Variants in OR7E24 observed in about 807,000 individuals in gnomAD.
OR7E24 encodes the protein olfactory receptor 7E24.
For missense variants in OR7E24, 385 were observed against 410.3 expected (o/e 0.94, Z 0.53); for synonymous variants, 130 against 157.5 (o/e 0.83, Z 1.31).
At chr19:9,236,670 C>T in the OR7E24 span, among the ~76,000 whole-genome samples, 5 of 151,924 alleles carry the variant, frequency 3.3e-5, no homozygotes, top group African/African-American at 9.7e-5. Context: ...TTCTTCTCTG[C>T]ACATAGTCCT....
upstream of OR7E24, chr19:9,250,825 A>T (rs941457704): frequency 7.4e-6 from 3 of 404,874 alleles, no homozygotes; most frequent in African/African-American, 2.0e-5. Context: ...AAAATCTCTA[A>T]TGTTTTTGCT....
At chr19:9,214,487 C>A in the OR7E24 span, 1 of 1,614,118 alleles carries the variant, frequency 6.2e-7, no homozygotes, top group Non-Finnish European at 8.5e-7. Flanking sequence ...CATAGGCCAT[C>A]ACGGCCAGTA....
the OR7E24 span, chr19:9,214,184 G>C: frequency 6.2e-6 from 10 of 1,614,140 alleles, no homozygotes; most frequent in South Asian, 9.9e-5. Context: ...CAATCTGAGA[G>C]TAGGAGAAGA....
At chr19:9,235,043 A>C in the OR7E24 span, 1 of 560,890 alleles carries the variant, frequency 1.8e-6, no homozygotes, top group African/African-American at 1.9e-5. Flanking sequence ...TGAGTGAATC[A>C]GGATCTTTGG....
the OR7E24 span, among the ~76,000 whole-genome samples, chr19:9,239,821 G>A: frequency 2.0e-5 from 3 of 146,622 alleles, no homozygotes; most frequent in East Asian, 4.1e-4. Flanking sequence ...CAATTCTCCT[G>A]TCTCAGCCTC....
chr19:9,214,144 T>C, the OR7E24 span: 329 of 1,611,134 alleles, frequency 2.0e-4, no homozygotes, highest in East Asian at 2.9e-4. Context: ...TACTTGCCCT[T>C]GGTGGAGGAC....
chr19:9,243,512 ACT>A (rs2066121667), upstream of OR7E24, among the ~76,000 whole-genome samples: 1 of 151,760 alleles, frequency 6.6e-6, no homozygotes, highest in Admixed American at 6.6e-5. Context: ...TCTCTATGTG[ACT>A]CAGGCTTGTC....
upstream of OR7E24, among the ~76,000 whole-genome samples, chr19:9,245,653 CACAA>C (rs1287036206): frequency 6.6e-6 from 1 of 152,130 alleles, no homozygotes; most frequent in Non-Finnish European, 1.5e-5. Flanking sequence ...TGAACATGGA[CACAA>C]ACAATGGTCA....
chr19:9,214,819 T>C, the OR7E24 span: 1 of 1,604,234 alleles, frequency 6.2e-7, no homozygotes, highest in South Asian at 1.1e-5. Context: ...GATAATTCTG[T>C]AAGGTTTTCT....
At chr19:9,213,866 A>G in the OR7E24 span, 1 of 1,485,328 alleles carries the variant, frequency 6.7e-7, no homozygotes, top group Non-Finnish European at 9.4e-7. Flanking sequence ...AGGGGTACGC[A>G]GTGTGTCCTC....
chr19:9,214,296 G>T, the OR7E24 span: 4 of 1,614,084 alleles, frequency 2.5e-6, no homozygotes, highest in Non-Finnish European at 2.5e-6. Flanking sequence ...GACCTGAGCC[G>T]GTTCACAGAA....
chr19:9,234,144 C>T, the OR7E24 span, among the ~76,000 whole-genome samples: 19 of 152,208 alleles, frequency 1.2e-4, no homozygotes, highest in East Asian at 3.9e-4. Flanking sequence ...CCTCGTGATC[C>T]GCTCACCTCG....
upstream of OR7E24, among the ~76,000 whole-genome samples, chr19:9,246,673 A>C (rs902467103): frequency 3.9e-5 from 6 of 152,290 alleles, no homozygotes; most frequent in Non-Finnish European, 8.8e-5. Context: ...TTTCAGCTTT[A>C]AACAGGAAGG....
chr19:9,251,922 A>G lies in OR7E24; in HGVS notation c.879A>G (p.Ser293=), dbSNP rs2066150742. 1.2e-6 allele frequency: 2 copies of G among 1,614,016 alleles called. No homozygotes were observed. The highest frequency in any genetic ancestry group is 2.2e-5 in the South Asian group (2 of 91,086). The part of the protein sequence containing the change: ...LPSPRKSMVA[S]VMYTVVTPML... ...CCCCCAGGAAGAGTATGGTGGCTTC[A>G]GTGATGTACACTGTGGTCACCCCCA... The change falls in exon 1 of 1, where the codon TCA becomes TCG. Residue 293 remains serine (S), a synonymous_variant. Coordinates refer to ENST00000456448, the MANE Select transcript of OR7E24 (RefSeq NM_001079935.2).
chr19:9,227,286 G>A, the OR7E24 span, among the ~76,000 whole-genome samples: 6 of 151,096 alleles, frequency 4.0e-5, no homozygotes, highest in Admixed American at 2.6e-4. Context: ...TGGGAGTGCA[G>A]TGGCACGATC....
At chr19:9,216,857 G>T in the OR7E24 span, among the ~76,000 whole-genome samples, 1 of 152,206 alleles carries the variant, frequency 6.6e-6, no homozygotes, top group Non-Finnish European at 1.5e-5. Context: ...CTCCCAATGT[G>T]CTGAGATTAC....
the OR7E24 span, among the ~76,000 whole-genome samples, chr19:9,224,014 C>A: frequency 6.6e-6 from 1 of 151,990 alleles, no homozygotes; most frequent in Non-Finnish European, 1.5e-5. Context: ...CCACACCCAG[C>A]TAATTTTTTG....
chr19:9,235,395 C>A, the OR7E24 span: 1 of 1,585,670 alleles, frequency 6.3e-7, no homozygotes, highest in African/African-American at 1.3e-5. Flanking sequence ...TGCTAGTGAA[C>A]ATCCAGGCAC....
the OR7E24 span, among the ~76,000 whole-genome samples, chr19:9,229,800 A>C: frequency 6.6e-6 from 1 of 152,162 alleles, no homozygotes; most frequent in Admixed American, 6.6e-5. Context: ...GAGGCAATGG[A>C]AACTTCGAAC....
Sources: allele counts gnomAD v4.1 joint callset (sites outside exome capture counted in the v4.1 genomes callset), GRCh38; gene constraint gnomAD v4.1.1; transcripts MANE v1.5; gene names NCBI Gene and HGNC (gene_info 2026-07-23, HGNC 2026-07-21).